The following TANGO6 variants were observed in gnomAD, a reference collection of about 807,000 sequenced individuals.
TANGO6 encodes the protein transport and Golgi organization protein 6 homolog.
Under a neutral mutation model 114.2 loss-of-function variants are expected in TANGO6, and 90 were observed. The ratio of observed to expected loss-of-function variants is 0.79; its 90% CI spans 0.66 to 0.94. The LOEUF (loss-of-function observed/expected upper bound fraction) is 0.94. Among genes scored for constraint, TANGO6 ranks in the 40% least tolerant of loss-of-function variants. The pLI is 0.00. For synonymous variants in TANGO6, 477 were observed against 509.8 expected (o/e 0.94, Z 0.87); for missense variants, 1,274 against 1,315.3 (o/e 0.97, Z 0.49).
chr16:68,953,052 TA>T (rs1315978373), intron 14 of TANGO6, among the ~76,000 whole-genome samples: 32 of 58,766 alleles, frequency 5.4e-4, no homozygotes, highest in Non-Finnish European at 8.9e-4. Flanking sequence ...AGGTATTTTT[TA>T]TTATTATTAT....
intron 14 of TANGO6, among the ~76,000 whole-genome samples, chr16:68,951,198 C>T (rs984913502): frequency 1.3e-5 from 2 of 151,910 alleles, no homozygotes; most frequent in African/African-American, 2.4e-5. Flanking sequence ...TAGCGCATGC[C>T]TATAGTCCCA....
At chr16:68,977,061 C>A (rs1329784798) in intron 15 of TANGO6, among the ~76,000 whole-genome samples, 1 of 152,108 alleles carries the variant, frequency 6.6e-6, no homozygotes, top group Non-Finnish European at 1.5e-5. Flanking sequence ...TTTTGGAGAA[C>A]AAAGTGGAGG....
intron 14 of TANGO6, among the ~76,000 whole-genome samples, chr16:68,963,515 T>C (rs1461732523): frequency 1.3e-5 from 2 of 152,200 alleles, no homozygotes; most frequent in African/African-American, 4.8e-5. Context: ...TATTTCTCTG[T>C]TTATAAATAA....
At chr16:68,958,294 A>G (rs1206872981) in intron 14 of TANGO6, among the ~76,000 whole-genome samples, 1 of 151,924 alleles carries the variant, frequency 6.6e-6, no homozygotes, top group Non-Finnish European at 1.5e-5. Context: ...GGAGTTCGAG[A>G]CCAGCCTCAA....
chr16:69,072,091 TGTGTGTGTATGTGTGA>T (rs1960304991), intron 17 of TANGO6, among the ~76,000 whole-genome samples: 1 of 141,124 alleles, frequency 7.1e-6, no homozygotes, highest in African/African-American at 2.7e-5. Context: ...ACCGTGTGTG[TGTGTGTGTATGTGTGA>T]AGAGAGAGGG....
chr16:68,977,392 T>G (rs1241945667), intron 15 of TANGO6, among the ~76,000 whole-genome samples: 2 of 151,418 alleles, frequency 1.3e-5, no homozygotes, highest in East Asian at 3.9e-4. Context: ...ATTTTTTTTG[T>G]TTTTTTGAGA....
intron 7 of TANGO6, among the ~76,000 whole-genome samples, chr16:68,882,366 A>G (rs137962866): frequency 0.057 from 8,640 of 152,030 alleles, 376 homozygotes; most frequent in African/African-American, 0.11. Flanking sequence ...GCGTGGTGGC[A>G]GGCACCTGTA....
intron 17 of TANGO6, among the ~76,000 whole-genome samples, chr16:69,054,834 G>A (rs1163207435): frequency 1.3e-5 from 2 of 151,278 alleles, no homozygotes; most frequent in Admixed American, 6.6e-5. Flanking sequence ...CCAGCCATTC[G>A]GGAGCCTGAG....
At chr16:68,922,627 G>A (rs1032772229) in intron 12 of TANGO6, among the ~76,000 whole-genome samples, 1 of 151,754 alleles carries the variant, frequency 6.6e-6, no homozygotes, top group Non-Finnish European at 1.5e-5. Flanking sequence ...TTCAGAGTTA[G>A]TCACCACTAA....
At chr16:68,859,635 A>G (rs1465023179) in intron 1 of TANGO6, among the ~76,000 whole-genome samples, 1 of 152,252 alleles carries the variant, frequency 6.6e-6, no homozygotes, top group Non-Finnish European at 1.5e-5. Flanking sequence ...TGTGGGGAAT[A>G]GAAACAAACT....
intron 14 of TANGO6, among the ~76,000 whole-genome samples, chr16:68,948,016 G>C (rs549207240): frequency 2.0e-5 from 3 of 148,394 alleles, no homozygotes; most frequent in East Asian, 3.9e-4. Flanking sequence ...TCTTACTACA[G>C]TGCAGCTGAT....
intron 17 of TANGO6, among the ~76,000 whole-genome samples, chr16:69,054,482 G>T (rs533910281): frequency 6.6e-6 from 1 of 152,140 alleles, no homozygotes; most frequent in Non-Finnish European, 1.5e-5. Flanking sequence ...GGACTCTTAG[G>T]CTTAATGAAT....
chr16:68,917,774 A>G (rs919924023), intron 11 of TANGO6, among the ~76,000 whole-genome samples: 2 of 152,060 alleles, frequency 1.3e-5, no homozygotes, highest in African/African-American at 4.8e-5. Flanking sequence ...TCTTTTCAAG[A>G]TAGGATCTCT....
intron 17 of TANGO6, among the ~76,000 whole-genome samples, chr16:69,052,964 C>G (rs1240698340): frequency 6.6e-6 from 1 of 151,932 alleles, no homozygotes. Flanking sequence ...CAAAATAAGC[C>G]AGGCATGGTG....
intron 16 of TANGO6, 44 bp downstream of exon 16, chr16:69,023,023 G>T: frequency 6.7e-7 from 1 of 1,495,374 alleles, no homozygotes; most frequent in South Asian, 1.4e-5. Context: ...TTTTCACTTG[G>T]ACCTACGATG....
rs199576530 is a variant in TANGO6 at position 68,991,621 on chromosome 16, C to T, written c.2842+17453C>T. On this transcript the variant is annotated intron_variant, in intron 15 of 17. Coordinates refer to ENST00000261778, the MANE Select transcript of TANGO6 (RefSeq NM_024562.2). ...GCACCACTGTACTCTCCAGCCTAGG[C>T]GACAGAGTGAGATTTCATCGATAAA... 1.9e-3 allele frequency among the ~76,000 whole-genome samples: 295 copies of T among 151,852 alleles called. 1 individual carries two copies. Among genetic ancestry groups the T allele is most frequent in the African/African-American group, 5.5e-3 (229 of 41,386 alleles).
At chr16:69,079,379 G>A (rs1490858892) in intron 17 of TANGO6, among the ~76,000 whole-genome samples, 2 of 151,390 alleles carry the variant, frequency 1.3e-5, no homozygotes, top group Non-Finnish European at 2.9e-5. Context: ...TAAAGAAACC[G>A]CATAGTATAA....
chr16:69,043,283 AGTGTGTGTGTGT>A (rs57443398), intron 17 of TANGO6, among the ~76,000 whole-genome samples: 28 of 146,748 alleles, frequency 1.9e-4, no homozygotes, highest in Admixed American at 6.2e-4. Context: ...AGACAGAGCG[AGTGTGTGTGTGT>A]GTGTGTGTGT....
chr16:68,899,491 A>G (rs1597011183), intron 7 of TANGO6, among the ~76,000 whole-genome samples: 1 of 151,204 alleles, frequency 6.6e-6, no homozygotes, highest in African/African-American at 2.4e-5. Context: ...AATAAAATTC[A>G]CCATCCTCAC....
Sources: allele counts gnomAD v4.1 joint callset (sites outside exome capture counted in the v4.1 genomes callset), GRCh38; gene constraint gnomAD v4.1.1; transcripts MANE v1.5; gene names NCBI Gene and HGNC (gene_info 2026-07-23, HGNC 2026-07-21).